Variants in NELL1 observed in about 807,000 individuals in gnomAD.
NELL1 encodes the protein protein kinase C-binding protein NELL1.
Under a neutral mutation model 107.4 loss-of-function variants are expected in NELL1, and 76 were observed. That is an observed-to-expected ratio of 0.71 (90% CI 0.59 to 0.86). The LOEUF is 0.86. Ranked by LOEUF, NELL1 falls within the 40% of genes least tolerant of loss-of-function variation. NELL1 has a pLI of 0.00. For synonymous variants in NELL1, 353 were observed against 341.2 expected (o/e 1.03, Z -0.38); for missense variants, 1,024 against 1,005.5 (o/e 1.02, Z -0.25).
chr11:21,111,393 C>A (rs1334470858), intron 12 of NELL1, among the ~76,000 whole-genome samples: 1 of 152,102 alleles, frequency 6.6e-6, no homozygotes, highest in African/African-American at 2.4e-5. Context: ...TCATTCTCTA[C>A]CTGATGAATT....
At chr11:21,563,559 T>C (rs1218529045) in intron 17 of NELL1, among the ~76,000 whole-genome samples, 2 of 152,038 alleles carry the variant, frequency 1.3e-5, no homozygotes, top group African/African-American at 4.8e-5. Flanking sequence ...AAATTAAAAA[T>C]ATAAATATTT....
chr11:21,336,978 T>C (rs1489685580), intron 14 of NELL1, among the ~76,000 whole-genome samples: 1 of 152,076 alleles, frequency 6.6e-6, no homozygotes, highest in African/African-American at 2.4e-5. Context: ...GCAAATATTA[T>C]GCTCAGTTAA....
At chr11:20,899,239 A>T (rs557438019) in intron 5 of NELL1, among the ~76,000 whole-genome samples, 3 of 152,256 alleles carry the variant, frequency 2.0e-5, no homozygotes, top group Admixed American at 2.0e-4. Flanking sequence ...ATAAAAGTCC[A>T]TAAAAAGGAA....
intron 15 of NELL1, among the ~76,000 whole-genome samples, chr11:21,503,361 C>T (rs1855196146): frequency 6.6e-6 from 1 of 152,200 alleles, no homozygotes; most frequent in Admixed American, 6.5e-5. Flanking sequence ...AGCTATAAAT[C>T]ATGTGACTAG....
chr11:21,149,422 C>T (rs2133784056), intron 13 of NELL1, among the ~76,000 whole-genome samples: 1 of 152,268 alleles, frequency 6.6e-6, no homozygotes, highest in Admixed American at 6.5e-5. Context: ...AAAGGAGGAG[C>T]AAAGTCACAT....
At chr11:21,062,616 G>A (rs958682486) in intron 12 of NELL1, among the ~76,000 whole-genome samples, 10 of 152,032 alleles carry the variant, frequency 6.6e-5, no homozygotes, top group Non-Finnish European at 1.3e-4. Context: ...TTCAGTTCTG[G>A]CACTAACCCC....
At chr11:21,165,104 A>G (rs1856452081) in intron 13 of NELL1, among the ~76,000 whole-genome samples, 1 of 152,200 alleles carries the variant, frequency 6.6e-6, no homozygotes, top group Non-Finnish European at 1.5e-5. Context: ...TTGAATCCAG[A>G]AAGTTTTACA....
At chr11:21,201,671 G>A (rs1342559337) in intron 13 of NELL1, among the ~76,000 whole-genome samples, 2 of 152,158 alleles carry the variant, frequency 1.3e-5, no homozygotes, top group African/African-American at 2.4e-5. Context: ...ATGTCGAATA[G>A]GAGTGGTCAG....
At chr11:21,550,565 C>T (rs1856554725) in intron 16 of NELL1, among the ~76,000 whole-genome samples, 1 of 151,916 alleles carries the variant, frequency 6.6e-6, no homozygotes, top group Admixed American at 6.6e-5. Flanking sequence ...ATATGGCTAG[C>T]CAGTTTTCCC....
intron 15 of NELL1, among the ~76,000 whole-genome samples, chr11:21,404,875 T>C (rs927417451): frequency 6.6e-6 from 1 of 152,006 alleles, no homozygotes; most frequent in Admixed American, 6.6e-5. Context: ...GGGATCAGAC[T>C]CTCAGTGTTT....
chr11:21,418,698 T>A (rs2133819093), intron 15 of NELL1, among the ~76,000 whole-genome samples: 1 of 152,266 alleles, frequency 6.6e-6, no homozygotes, highest in Non-Finnish European at 1.5e-5. Flanking sequence ...GCCTAATGAC[T>A]TGCTTTGGCC....
At chr11:20,674,162 G>A (rs1020660841) in intron 1 of NELL1, among the ~76,000 whole-genome samples, 3 of 152,098 alleles carry the variant, frequency 2.0e-5, no homozygotes, top group African/African-American at 4.8e-5. Context: ...GTTGGGGAGC[G>A]AATATACATG....
In NELL1 at chr11:20,939,466, T is replaced by C. The variant is rs571051698; in HGVS notation, c.1071+1607T>C. Among the ~76,000 whole-genome samples, 22 of 152,114 alleles carry C rather than the reference T, an allele frequency of 1.4e-4. No individual in the cohort carries two copies. The East Asian group carries it at 4.1e-3, about 28-fold the overall frequency. On this transcript the variant is annotated intron_variant, in intron 10 of 19. Coordinates refer to ENST00000357134, the MANE Select transcript of NELL1 (RefSeq NM_006157.5). The stretch of plus-strand genomic sequence containing the variant: ...CCCGGCAAGCACATTGCTGCTGTGA[T>C]GAGTGACTTTCAATCATTTCTACTG...
intron 12 of NELL1, among the ~76,000 whole-genome samples, chr11:21,073,621 C>T (rs1854067557): frequency 1.3e-5 from 2 of 152,066 alleles, no homozygotes; most frequent in Non-Finnish European, 2.9e-5. Flanking sequence ...TTGGTGGGGT[C>T]TGAAGGTAAT....
intron 2 of NELL1, among the ~76,000 whole-genome samples, chr11:20,680,192 A>G (rs77863752): frequency 0.036 from 5,414 of 152,208 alleles, 333 homozygotes; most frequent in African/African-American, 0.12. Flanking sequence ...CCCTTCTGTC[A>G]TGTAAGGTAA....
At chr11:21,084,881 A>G (rs1385773801) in intron 12 of NELL1, among the ~76,000 whole-genome samples, 1 of 152,166 alleles carries the variant, frequency 6.6e-6, no homozygotes, top group Non-Finnish European at 1.5e-5. Context: ...GGTTAAGCGC[A>G]CATCCTCCAG....
At chr11:21,411,012 A>G (rs549526377) in intron 15 of NELL1, among the ~76,000 whole-genome samples, 5 of 152,094 alleles carry the variant, frequency 3.3e-5, no homozygotes, top group Admixed American at 6.5e-5. Flanking sequence ...CAGATGTGAT[A>G]GAAGTAGCAC....
chr11:21,315,422 C>T (rs1204087093), intron 14 of NELL1, among the ~76,000 whole-genome samples: 1 of 151,858 alleles, frequency 6.6e-6, no homozygotes, highest in Non-Finnish European at 1.5e-5. Flanking sequence ...GAAAGCAGTG[C>T]ACCAGATTCA....
rs114659239 is a variant in NELL1, at chr11:21,335,542, T to C, written c.1550-35311T>C. 6.5e-3 allele frequency among the ~76,000 whole-genome samples: 992 copies of C among 152,200 alleles called. 11 individuals are homozygous for C. Among genetic ancestry groups the C allele is most frequent in the African/African-American group, 0.022 (918 of 41,564 alleles). On this transcript the variant is annotated intron_variant, in intron 14 of 19. Coordinates refer to ENST00000357134, the MANE Select transcript of NELL1 (RefSeq NM_006157.5). Reference sequence around the variant, plus strand: ...ATCTGGGTGTGAAATTTCCAATGCCTTTTATTTGTTATCTGCCAATGGAAA... The same window carrying C: ...ATCTGGGTGTGAAATTTCCAATGCCCTTTATTTGTTATCTGCCAATGGAAA...
Sources: gnomAD v4.1 joint callset for allele counts (sites outside exome capture counted in the v4.1 genomes callset) on GRCh38, gnomAD v4.1.1 for gene constraint, MANE v1.5 for transcripts, NCBI Gene and HGNC (gene_info 2026-07-23, HGNC 2026-07-21) for gene names.